Variants in WWOX observed in about 807,000 individuals in gnomAD.
The protein encoded by WWOX is WW domain containing oxidoreductase, also known as WW domain-containing oxidoreductase.
Under a neutral mutation model 46.2 loss-of-function variants are expected in WWOX, and 69 were observed. That is an observed-to-expected ratio of 1.49 (90% CI 1.23 to 1.82). The LOEUF (loss-of-function observed/expected upper bound fraction) is 1.82. WWOX is among the 40% of genes most tolerant of loss of function. WWOX has a pLI of 0.00. For missense variants in WWOX, 919 were observed against 542.6 expected (o/e 1.69, Z -6.89); for synonymous variants, 359 against 202.6 (o/e 1.77, Z -6.56).
At chr16:78,769,821 AC>A (rs2050020411) in intron 8 of WWOX, among the ~76,000 whole-genome samples, 1 of 151,338 alleles carries the variant, frequency 6.6e-6, no homozygotes, top group East Asian at 1.9e-4. Context: ...AGTGTGGACA[AC>A]ATAGGGAGGT....
chr16:78,219,805 C>G (rs2036834088), intron 5 of WWOX, among the ~76,000 whole-genome samples: 1 of 152,136 alleles, frequency 6.6e-6, no homozygotes, highest in African/African-American at 2.4e-5. Context: ...TTCTCTCCTT[C>G]TCTTTGTTTT....
At chr16:78,629,067 T>C (rs1401406832) in intron 8 of WWOX, among the ~76,000 whole-genome samples, 1 of 152,212 alleles carries the variant, frequency 6.6e-6, no homozygotes, top group Admixed American at 6.5e-5. Context: ...TGTTTTATTG[T>C]GCTTACATAT....
At chr16:78,779,024 A>T (rs974681729) in intron 8 of WWOX, among the ~76,000 whole-genome samples, 2 of 152,194 alleles carry the variant, frequency 1.3e-5, no homozygotes, top group Non-Finnish European at 2.9e-5. Context: ...AATAAAACCA[A>T]TGAGCTTAAT....
intron 8 of WWOX, among the ~76,000 whole-genome samples, chr16:78,629,501 A>G (rs964048966): frequency 6.6e-6 from 1 of 152,080 alleles, no homozygotes; most frequent in Non-Finnish European, 1.5e-5. Context: ...CCTACTTGCC[A>G]CTCCCTGCTT....
At chr16:78,829,315 C>A (rs1232315012) in intron 8 of WWOX, among the ~76,000 whole-genome samples, 1 of 152,160 alleles carries the variant, frequency 6.6e-6, no homozygotes, top group Non-Finnish European at 1.5e-5. Context: ...AGACAAGCAT[C>A]CCAGGTTGAA....
chr16:78,111,501 G>A (rs1441629715), intron 3 of WWOX, among the ~76,000 whole-genome samples: 1 of 152,184 alleles, frequency 6.6e-6, no homozygotes, highest in Non-Finnish European at 1.5e-5. Flanking sequence ...GGCTGCTTGA[G>A]GGCTCCTTGG....
In WWOX at chr16:78,817,759, C is replaced by G. The variant is rs75399452; in HGVS notation, c.1056+385007C>G. On this transcript the variant is annotated intron_variant, in intron 8 of 8. Transcript: ENST00000566780. Reference sequence around the variant, plus strand: ...TTCGGGTCCCAGCCCTTTCTCTTCCCCTGAGATTGCGCCTCCTCACCCTCT... The same window carrying G: ...TTCGGGTCCCAGCCCTTTCTCTTCCGCTGAGATTGCGCCTCCTCACCCTCT... Among the ~76,000 whole-genome samples the G allele has an allele frequency of 6.7e-3, 1,014 of 152,234 alleles. 6 individuals are homozygous for G. Among genetic ancestry groups the G allele is most frequent in the African/African-American group, 0.023 (960 of 41,538 alleles).
At chr16:78,988,498 A>G (rs532601230) in intron 8 of WWOX, among the ~76,000 whole-genome samples, 42 of 152,132 alleles carry the variant, frequency 2.8e-4, no homozygotes, top group African/African-American at 9.2e-4. Context: ...AGGAGCTGTA[A>G]CCTTTGGTTG....
chr16:78,147,539 T>C (rs1424291437), intron 4 of WWOX, among the ~76,000 whole-genome samples: 1 of 152,204 alleles, frequency 6.6e-6, no homozygotes, highest in African/African-American at 2.4e-5. Flanking sequence ...TTTCCCAACA[T>C]TGTGTTTTGA....
At chr16:78,324,561 A>G (rs2080567204) in intron 5 of WWOX, among the ~76,000 whole-genome samples, 1 of 152,100 alleles carries the variant, frequency 6.6e-6, no homozygotes, top group Admixed American at 6.5e-5. Context: ...ATGGATAAAT[A>G]TGTTGTGGTA....
intron 5 of WWOX, among the ~76,000 whole-genome samples, chr16:78,379,431 A>AGTGTACCT (rs2081904321): frequency 1.3e-5 from 2 of 152,140 alleles, no homozygotes. Flanking sequence ...ACAGCCATCT[A>AGTGTACCT]GTGTACCTGG....
intron 8 of WWOX, among the ~76,000 whole-genome samples, chr16:79,086,454 T>C (rs1225168888): frequency 6.6e-6 from 1 of 152,230 alleles, no homozygotes. Flanking sequence ...AGATGACCTT[T>C]TGAAAATAGA....
intron 8 of WWOX, among the ~76,000 whole-genome samples, chr16:78,653,153 T>C (rs2047003193): frequency 6.6e-6 from 1 of 152,184 alleles, no homozygotes; most frequent in South Asian, 2.1e-4. Context: ...CACATAGATA[T>C]ATAATTAAAA....
chr16:78,917,134 G>A (rs143073367), intron 8 of WWOX, among the ~76,000 whole-genome samples: 69 of 152,266 alleles, frequency 4.5e-4, no homozygotes, highest in Non-Finnish European at 9.0e-4. Context: ...GACGTGGCTG[G>A]GACAACATGC....
At chr16:78,718,968 C>A (rs2048631251) in intron 8 of WWOX, among the ~76,000 whole-genome samples, 1 of 150,610 alleles carries the variant, frequency 6.6e-6, no homozygotes, top group African/African-American at 2.5e-5. Flanking sequence ...ACCACTCATT[C>A]ACATTTTTTT....
intron 8 of WWOX, among the ~76,000 whole-genome samples, chr16:78,475,173 G>C (rs993428277): frequency 3.9e-5 from 6 of 152,178 alleles, no homozygotes; most frequent in African/African-American, 1.4e-4. Context: ...CTCATTAATA[G>C]GATATGTCTA....
At chr16:78,335,811 G>C (rs13337264) in intron 5 of WWOX, among the ~76,000 whole-genome samples, 10,986 of 152,220 alleles carry the variant, frequency 0.072, 1,166 homozygotes, top group African/African-American at 0.23. Context: ...AAAGGTACTA[G>C]CTGAGCATGA....
At chr16:78,719,151 T>C (rs2048636303) in intron 8 of WWOX, among the ~76,000 whole-genome samples, 1 of 152,176 alleles carries the variant, frequency 6.6e-6, no homozygotes, top group Non-Finnish European at 1.5e-5. Flanking sequence ...TGATTGTGGG[T>C]GATCTCTTTC....
intron 8 of WWOX, among the ~76,000 whole-genome samples, chr16:78,604,105 C>G (rs897519654): frequency 7.9e-5 from 12 of 152,014 alleles, no homozygotes; most frequent in African/African-American, 2.7e-4. Context: ...GATCACGCCA[C>G]TGAATTCTAG....
Sources: gnomAD v4.1 joint callset for allele counts (sites outside exome capture counted in the v4.1 genomes callset) on GRCh38, gnomAD v4.1.1 for gene constraint, MANE v1.5 for transcripts, NCBI Gene and HGNC (gene_info 2026-07-23, HGNC 2026-07-21) for gene names.